The following FLG variants were observed in gnomAD, a reference collection of about 807,000 sequenced individuals.
FLG encodes the protein epidermal filaggrin.
A neutral mutation model predicts 3.8 loss-of-function variants in FLG; 6 were observed. The ratio of observed to expected loss-of-function variants is 1.60; its 90% CI spans 0.87 to 3.15. The LOEUF is 3.15. Among genes scored for constraint, FLG ranks in the 30% most tolerant of loss-of-function variants. The probability of loss-of-function intolerance (pLI) is 0.00; values close to 1 mark genes in which losing one functional copy is unlikely to be tolerated. For synonymous variants in FLG, 2,551 were observed against 1,931.6 expected (o/e 1.32, Z -8.41); for missense variants, 7,595 against 5,050.9 (o/e 1.50, Z -15.27).
In FLG at chr1:152,309,751, C is replaced by T. The variant is rs763343831; in HGVS notation, c.5135G>A (p.Arg1712Gln). ...DSSVVGDSGN[R>Q]GSSGSQASDS... ...ACTGGCCTGGCTACCACTGGACCCT[C>T]GGTTTCCACTGTCTCCGACTACAGA... The change falls in exon 3 of 3, where the codon CGA becomes CAA. Residue 1712 changes from arginine (R) to glutamine (Q), a missense_variant. Coordinates refer to ENST00000368799, the MANE Select transcript of FLG (RefSeq NM_002016.2). The T allele has an allele frequency of 9.3e-6, 15 of 1,613,764 alleles. No homozygotes were observed. Among genetic ancestry groups the T allele is most frequent in the South Asian group, 8.8e-5 (8 of 91,070 alleles).
chr1:152,313,312 C>T lies in FLG; in HGVS notation c.1574G>A (p.Gly525Glu), dbSNP rs568179062. 2.5e-6 allele frequency: 4 copies of T among 1,613,776 alleles called. No homozygotes were observed. The South Asian group carries it at 3.3e-5, about 13-fold the overall frequency. Residue 525 changes from glycine to glutamate, a missense_variant, in exon 3 of 3, where the codon GGA becomes GAA. Coordinates refer to ENST00000368799, the MANE Select transcript of FLG (RefSeq NM_002016.2). ...CTCGTGGTGGGATCCCTGCCTTCCT[C>T]CTCTGCTTGACCCCGGGTGTCCACG... Reference protein sequence around the residue: ...TIRGHPGSSRGGRQGSHHEQS... With the variant: ...TIRGHPGSSREGRQGSHHEQS...
chr1:152,311,202 G>C lies in FLG; in HGVS notation c.3684C>G (p.Asp1228Glu). ...RQTRKDKQSG[D>E]GSRHSGSRHH... ...GACGTGACCCTGAGTGCCTGGAGCC[G>C]TCTCCTGATTGTTTGTCCTTACGAG... The change falls in exon 3 of 3, where the codon GAC becomes GAG. Residue 1228 changes from aspartate (D) to glutamate (E), a missense_variant. By Grantham distance (45) the Asp-to-Glu change is conservative. Transcript: ENST00000368799. 6.2e-7 allele frequency: 1 copy of C among 1,613,752 alleles called. No homozygotes were observed. Among genetic ancestry groups the C allele is most frequent in the Non-Finnish European group, 8.5e-7 (1 of 1,179,944 alleles).
In FLG at chr1:152,307,268, G is replaced by C. The variant is rs547788565; in HGVS notation, c.7618C>G (p.Arg2540Gly). ...SGSRHHEASS[R>G]ADSSGHSQVG... ...TGCGAGTGTCCAGAGCTGTCGGCCC[G>C]AGAGGAAGCTTCATGGTGACGCGAC... The change falls in exon 3 of 3, where the codon CGG (arginine) becomes GGG (glycine). Residue 2540 changes from arginine (R) to glycine (G), a missense_variant. By Grantham distance (125) the Arg-to-Gly change is moderately radical. Transcript: ENST00000368799. 33 of 1,612,920 alleles carry C rather than the reference G, an allele frequency of 2.0e-5. No homozygotes were observed. Among genetic ancestry groups the C allele is most frequent in the African/African-American group, 2.7e-5 (2 of 74,182 alleles).
In FLG at chr1:152,309,385, T is replaced by C. The variant is rs776505033; in HGVS notation, c.5501A>G (p.Asp1834Gly). The stretch of plus-strand genomic sequence containing the variant: ...ATGAGACCCTGAGTGTCCAGAACTA[T>C]CTACCGATTGCTCATAGTGGGATCC... ...RQGSHYEQSV[D>G]SSGHSGSHHS... Residue 1834 changes from aspartate (D) to glycine (G), a missense_variant, in exon 3 of 3, where the codon GAT becomes GGT. Coordinates refer to ENST00000368799, the MANE Select transcript of FLG (RefSeq NM_002016.2). The C allele has an allele frequency of 6.2e-7, 1 of 1,613,864 alleles. No individual in the cohort carries two copies. The highest frequency in any genetic ancestry group is 8.5e-7 in the Non-Finnish European group (1 of 1,179,984).
At position 152,309,787 on chromosome 1, in the gene FLG, C is replaced by G. The variant is rs1455886217; in HGVS notation, c.5099G>C (p.Arg1700Thr). 9.9e-6 allele frequency: 16 copies of G among 1,613,856 alleles called. No homozygotes were observed. Among genetic ancestry groups the G allele is most frequent in the Non-Finnish European group, 1.3e-5 (15 of 1,180,018 alleles). ...DSSTDSGTGRRQDSSVVGDSG... is the reference protein window; with the variant it reads ...DSSTDSGTGRTQDSSVVGDSG... ...GTCTCCGACTACAGATGAATCTTGT[C>G]TGCGCCCAGTGCCTGAGTCTGTGGA... The change falls in exon 3 of 3, where the codon AGA (arginine) becomes ACA (threonine). Residue 1700 changes from arginine (R) to threonine (T), a missense_variant. By Grantham distance (71) the Arg-to-Thr change is moderately conservative (BLOSUM62 -1). Coordinates refer to ENST00000368799, the MANE Select transcript of FLG (RefSeq NM_002016.2).
chr1:152,314,682 T>G lies in FLG; in HGVS notation c.204A>C (p.Lys68Asn), dbSNP rs747451295. The change falls in exon 3 of 3, where the codon AAA (lysine) becomes AAC (asparagine). Residue 68 changes from lysine to asparagine, a missense_variant. Physicochemically the swap from Lys to Asn is moderately conservative, Grantham distance 94. Coordinates refer to ENST00000368799, the MANE Select transcript of FLG (RefSeq NM_002016.2). ...TCAGAAGAAACTCAGTGAAGTCAAT[T>G]TTCTTGTTGTGGTCTATATCCAAGT... ...MDHLDIDHNK[K>N]IDFTEFLLMV... 3.0e-5 allele frequency: 49 copies of G among 1,613,952 alleles called. No individual in the cohort carries two copies. The highest frequency in any genetic ancestry group is 4.2e-5 in the Non-Finnish European group (49 of 1,179,984).
At chr1:152,319,804 T>C (rs937849723) in intron 1 of FLG, among the ~76,000 whole-genome samples, 6 of 151,282 alleles carry the variant, frequency 4.0e-5, no homozygotes, top group African/African-American at 9.7e-5. Flanking sequence ...AGACCTACTG[T>C]AAAGGAAATA....
chr1:152,310,192 G>T lies in FLG; in HGVS notation c.4694C>A (p.Ser1565Tyr). 1 of 1,613,866 alleles carries T rather than the reference G, an allele frequency of 6.2e-7. No homozygotes were observed. Residue 1565 changes from serine (S) to tyrosine (Y), a missense_variant, in exon 3 of 3, where the codon TCC (serine) becomes TAC (tyrosine). Physicochemically the swap from Ser to Tyr is moderately radical, Grantham distance 144 (BLOSUM62 -2). Coordinates refer to ENST00000368799, the MANE Select transcript of FLG (RefSeq NM_002016.2). ...RHSGSRHHEP[S>Y]TRAGSSRHSQ... ...GTGTCTAGAGCTGCCGGCCCGAGTG[G>T]AAGGTTCATGGTGACGTGACCCTGA...
rs1361898689 is a variant in FLG at position 152,303,592 on chromosome 1, C to T, written c.11294G>A (p.Arg3765Lys). The T allele has an allele frequency of 3.7e-6, 6 of 1,613,970 alleles. No homozygotes were observed. The highest frequency in any genetic ancestry group is 5.1e-6 in the Non-Finnish European group (6 of 1,179,952). ...QDTIRGHPGS[R>K]RGGRQGSYHE... ...GTAGGATCCCTGTCTTCCTCCTCTC[C>T]TTGACCCCGGGTGTCCACGAATGGT... is the stretch of plus-strand genomic sequence containing the variant. Residue 3765 changes from arginine to lysine, a missense_variant, in exon 3 of 3, where the codon AGG (arginine) becomes AAG (lysine). Coordinates refer to ENST00000368799, the MANE Select transcript of FLG (RefSeq NM_002016.2).
In FLG at chr1:152,311,008, T is replaced by G. The variant is rs1310727545; in HGVS notation, c.3878A>C (p.Asn1293Thr). The change falls in exon 3 of 3, where the codon AAC becomes ACC. Residue 1293 changes from asparagine (N) to threonine (T), a missense_variant. By Grantham distance (65) the Asn-to-Thr change is moderately conservative (BLOSUM62 0). Transcript: ENST00000368799. Reference sequence around the variant, plus strand: ...CTGCTCCCGAGAAGATCCATGATGGTTTCTGGAAGCAGACCCAGACAACCT... The same window carrying G: ...CTGCTCCCGAGAAGATCCATGATGGGTTCTGGAAGCAGACCCAGACAACCT... ...SERLSGSASR[N>T]HHGSSREQSR... 2.5e-6 allele frequency: 4 copies of G among 1,613,580 alleles called. No homozygotes were observed. The Admixed American group carries it at 6.7e-5, about 27-fold the overall frequency.
chr1:152,302,320 T>A lies in FLG; in HGVS notation c.*380A>T. The A allele has an allele frequency of 3.9e-6, 1 of 259,500 alleles. No individual in the cohort carries two copies. The allele number at this position is 259,500 out of a possible 1,614,324, so 16.1% of individuals were successfully genotyped here. ...TGATGTTGATATAGCCACTTTGGTA[T>A]ACAGAACTGTTTTATATTTTTGGCT... On this transcript the variant is annotated 3_prime_UTR_variant, in exon 3 of 3. Coordinates refer to ENST00000368799, the MANE Select transcript of FLG (RefSeq NM_002016.2).
rs755310640 is a variant in FLG, at chr1:152,306,058, G to T, written c.8828C>A (p.Ser2943Tyr). Residue 2943 changes from serine to tyrosine, a missense_variant, in exon 3 of 3, where the codon TCT (serine) becomes TAT (tyrosine). Ser to Tyr is a moderately radical substitution (Grantham distance 144). Transcript: ENST00000368799. ...GCCTGATTGTCTGGAGCTGTCTGCA[G>T]AGTGCCCATGACCAGCTCTGTCTTC... ...HQEDRAGHGHSADSSRQSGTR... is the reference protein window; with the variant it reads ...HQEDRAGHGHYADSSRQSGTR... 124 of 1,595,776 alleles carry T rather than the reference G, an allele frequency of 7.8e-5. No homozygotes were observed. The highest frequency in any genetic ancestry group is 3.4e-5 in the Admixed American group (2 of 59,614).
chr1:152,312,400 G>A lies in FLG; in HGVS notation c.2486C>T (p.Ser829Phe), dbSNP rs139207952. ...ACCATCTTGGGATGCTGAGTGCCTG[G>A]AGTTGTCTCGTGCCTGCTCATGGTG... is the stretch of plus-strand genomic sequence containing the variant. ...GSHHEQARDN[S>F]RHSASQDGQD... Residue 829 changes from serine to phenylalanine, a missense_variant, in exon 3 of 3, where the codon TCC becomes TTC. Transcript: ENST00000368799. The A allele has an allele frequency of 8.7e-5, 140 of 1,613,298 alleles. 1 individual carries two copies. Among genetic ancestry groups the A allele is most frequent in the Non-Finnish European group, 1.1e-4 (133 of 1,179,856 alleles).
chr1:152,311,561 C>G lies in FLG; in HGVS notation c.3325G>C (p.Gly1109Arg). 3.1e-6 allele frequency: 5 copies of G among 1,613,958 alleles called. No individual in the cohort carries two copies. The highest frequency in any genetic ancestry group is 4.2e-6 in the Non-Finnish European group (5 of 1,180,006). The change falls in exon 3 of 3, where the codon GGA (glycine) becomes CGA (arginine). Residue 1109 changes from glycine to arginine, a missense_variant. Physicochemically the swap from Gly to Arg is moderately radical, Grantham distance 125. Coordinates refer to ENST00000368799, the MANE Select transcript of FLG (RefSeq NM_002016.2). ...HQESARDWSGGRSGRSGSFIY... is the reference protein window; with the variant it reads ...HQESARDWSGRRSGRSGSFIY... Reference sequence around the variant, plus strand: ...AAAGACCCTGAACGTCCAGACCTTCCCCCTGACCAGTCACGTGCGGACTCT... The same window carrying G: ...AAAGACCCTGAACGTCCAGACCTTCGCCCTGACCAGTCACGTGCGGACTCT...
At position 152,312,542 on chromosome 1, in the gene FLG, G is replaced by A. The variant is rs558836936; in HGVS notation, c.2344C>T (p.Arg782Trp). 38 of 1,613,414 alleles carry A rather than the reference G, an allele frequency of 2.4e-5. No individual in the cohort carries two copies. In the Middle Eastern group the frequency reaches 4.9e-4, roughly 21 times the overall value. The change falls in exon 3 of 3, where the codon CGG becomes TGG. Residue 782 changes from arginine (R) to tryptophan (W), a missense_variant. Arg to Trp is a moderately radical substitution (Grantham distance 101, BLOSUM62 -3). Transcript: ENST00000368799. ...QQSHQESARDRSGERSRRSGS... is the reference protein window; with the variant it reads ...QQSHQESARDWSGERSRRSGS... ...GAACGTCGAGACCTTTCCCCTGACC[G>A]GTCACGTGCGGACTCTTGGTGGCTC...
At position 152,308,806 on chromosome 1, in the gene FLG, G is replaced by T; in HGVS notation, c.6080C>A (p.Ala2027Asp). The part of the protein sequence containing the change: ...SRHSGIGHGQ[A>D]SSAVRDSGHR... Reference sequence around the variant, plus strand: ...TCCACTGTCTCTGACTGCAGATGAAGCTTGTCCATGCCCAATGCCTGAGTG... The same window carrying T: ...TCCACTGTCTCTGACTGCAGATGAATCTTGTCCATGCCCAATGCCTGAGTG... The change falls in exon 3 of 3, where the codon GCT becomes GAT. Residue 2027 changes from alanine to aspartate, a missense_variant. Coordinates refer to ENST00000368799, the MANE Select transcript of FLG (RefSeq NM_002016.2). The T allele has an allele frequency of 1.9e-6, 3 of 1,614,160 alleles. No individual in the cohort carries two copies. Among genetic ancestry groups the T allele is most frequent in the Non-Finnish European group, 2.5e-6 (3 of 1,180,018 alleles).
At position 152,312,785 on chromosome 1, in the gene FLG, T is replaced by C. The variant is rs754944954; in HGVS notation, c.2101A>G (p.Arg701Gly). ...GQAASSHEQARSSAGERHGSR... is the reference protein window; with the variant it reads ...GQAASSHEQAGSSAGERHGSR... ...CCATGTCTTTCTCCTGCACTTGATC[T>C]TGCCTGTTCATGGGATGACGCAGCC... The change falls in exon 3 of 3, where the codon AGA (arginine) becomes GGA (glycine). Residue 701 changes from arginine to glycine, a missense_variant. By Grantham distance (125) the Arg-to-Gly change is moderately radical (BLOSUM62 -2). Coordinates refer to ENST00000368799, the MANE Select transcript of FLG (RefSeq NM_002016.2). 2.5e-6 allele frequency: 4 copies of C among 1,613,950 alleles called. No individual in the cohort carries two copies. Among genetic ancestry groups the C allele is most frequent in the Non-Finnish European group, 3.4e-6 (4 of 1,180,026 alleles).
chr1:152,314,426 A>T lies in FLG; in HGVS notation c.460T>A (p.Ser154Thr). ...TTTCTTTCTTTTTTTTCAGAACTAG[A>T]TTCATGCCTTTTCCCCCCTGTTTCT... ...PRETGGKRHE[S>T]SSEKKERKGY... The change falls in exon 3 of 3, where the codon TCT becomes ACT. Residue 154 changes from serine to threonine, a missense_variant. Physicochemically the swap from Ser to Thr is moderately conservative, Grantham distance 58 (BLOSUM62 1). Transcript: ENST00000368799. 1 of 1,612,866 alleles carries T rather than the reference A, an allele frequency of 6.2e-7. No individual in the cohort carries two copies. The highest frequency in any genetic ancestry group is 1.1e-5 in the South Asian group (1 of 91,034).
At position 152,312,352 on chromosome 1, in the gene FLG, G is replaced by A. The variant is rs771331527; in HGVS notation, c.2534C>T (p.Pro845Leu). 16 of 1,611,754 alleles carry A rather than the reference G, an allele frequency of 9.9e-6. No homozygotes were observed. Among genetic ancestry groups the A allele is most frequent in the African/African-American group, 5.4e-5 (4 of 74,324 alleles). Residue 845 changes from proline to leucine, a missense_variant, in exon 3 of 3, where the codon CCG becomes CTG. Physicochemically the swap from Pro to Leu is moderately conservative, Grantham distance 98 (BLOSUM62 -3). Transcript: ENST00000368799. ...CTGCCTTCCTCTTCTGCTTGACCCC[G>A]GGTGTCCACGAATGGTGTCCTGACC... ...QDGQDTIRGHPGSSRRGRQGS... is the reference protein window; with the variant it reads ...QDGQDTIRGHLGSSRRGRQGS...
Sources: allele counts gnomAD v4.1 joint callset (sites outside exome capture counted in the v4.1 genomes callset), GRCh38; gene constraint gnomAD v4.1.1; transcripts MANE v1.5; gene names NCBI Gene and HGNC (gene_info 2026-07-23, HGNC 2026-07-21).